The following ADGRG3 variants were observed in gnomAD, a reference collection of about 807,000 sequenced individuals.
ADGRG3 encodes the protein adhesion G protein-coupled receptor G3.
In ADGRG3, 39 loss-of-function variants were observed where a neutral mutation model predicts 54.3. The ratio of observed to expected loss-of-function variants is 0.72; its 90% confidence interval spans 0.56 to 0.94. The LOEUF (loss-of-function observed/expected upper bound fraction) is 0.94, where lower values mean the gene tolerates loss of function less well. Among genes scored for constraint, ADGRG3 ranks in the 40% least tolerant of loss-of-function variants. The pLI, the probability that ADGRG3 is intolerant of heterozygous loss-of-function variation, is 0.00. For missense variants in ADGRG3, 654 were observed against 694.6 expected, an observed-to-expected ratio of 0.94 and a Z score of 0.66; for synonymous variants, 312 against 290.0, an observed-to-expected ratio of 1.08 and a Z score of -0.77.
chr16:57,678,297 G>T lies in ADGRG3; in HGVS notation c.473G>T (p.Gly158Val), dbSNP rs369786884. The change falls in exon 4 of 12, where the codon GGT becomes GTT. Residue 158 changes from glycine to valine, a missense_variant. Coordinates refer to ENST00000333493, the MANE Select transcript of ADGRG3 (RefSeq NM_170776.5). The part of the protein sequence containing the change: ...VRLAVTILDI[G>V]PGTLFKGPRL... ...TTGGCCGTCACCATTCTGGACATTGGTCCAGGGACTCTCTTCAAGGTGAGG... is the reference window on the plus strand; with the variant it reads ...TTGGCCGTCACCATTCTGGACATTGTTCCAGGGACTCTCTTCAAGGTGAGG... 1.2e-5 allele frequency: 19 copies of T among 1,614,090 alleles called. No homozygotes were observed. The highest frequency in any genetic ancestry group is 2.7e-5 in the African/African-American group (2 of 74,946).
chr16:57,673,299 A>G, intron 1 of ADGRG3, 22 bp from the exon 2 acceptor site: 1 of 1,598,938 alleles, frequency 6.3e-7, no homozygotes, highest in African/African-American at 1.3e-5. Flanking sequence ...GCCCATTCAC[A>G]CTCTCTGCAT....
chr16:57,679,392 G>A (rs2048322939), intron 5 of ADGRG3, 81 bp downstream of exon 5: 2 of 1,464,816 alleles, frequency 1.4e-6, no homozygotes, highest in Non-Finnish European at 1.9e-6. Context: ...GCCCTGCATG[G>A]GACACTACAT....
In ADGRG3 at chr16:57,682,544, G is replaced by A. The variant is rs778954970; in HGVS notation, c.882-1388G>A. 7 of 985,260 alleles carry A rather than the reference G, an allele frequency of 7.1e-6. No homozygotes were observed. In the Admixed American group the frequency reaches 1.8e-4, roughly 26 times the overall value. 61.0% of individuals were successfully genotyped at this position (985,260 alleles called of 1,614,324 possible). On this transcript the variant is annotated intron_variant, in intron 8 of 11. Coordinates refer to ENST00000333493, the MANE Select transcript of ADGRG3 (RefSeq NM_170776.5). ...GCCGAGTGTGACTTGCCAGCTGGCC[G>A]CATTGCTGGACCCTGTGAGCGGGGC...
rs146307657 is a variant in ADGRG3, at chr16:57,679,304, C to T, written c.620C>T (p.Pro207Leu). ...PLEIVFSHQRPPPNMTLTCVF... is the reference protein window; with the variant it reads ...PLEIVFSHQRLPPNMTLTCVF... Reference sequence around the variant, plus strand: ...GAGATCGTCTTCTCTCACCAGCGACCGCCCCCTGTGAGTCCCCTGCTCAGG... The same window carrying T: ...GAGATCGTCTTCTCTCACCAGCGACTGCCCCCTGTGAGTCCCCTGCTCAGG... The change falls in exon 5 of 12, where the codon CCG (proline) becomes CTG (leucine). Residue 207 changes from proline to leucine, a missense_variant. Pro to Leu is a moderately conservative substitution (Grantham distance 98). Coordinates refer to ENST00000333493, the MANE Select transcript of ADGRG3 (RefSeq NM_170776.5). 5.3e-5 allele frequency: 85 copies of T among 1,613,792 alleles called. 1 individual carries two copies. The African/African-American group carries it at 8.1e-4, about 15-fold the overall frequency.
chr16:57,678,121 C>T lies in ADGRG3; in HGVS notation c.346-49C>T, dbSNP rs140344952. ...TCCCAGCTGGGGGAGTGGCAGGACTCGTGTTGGGGGGTGGGTACAGATGGG... is the reference window on the plus strand; with the variant it reads ...TCCCAGCTGGGGGAGTGGCAGGACTTGTGTTGGGGGGTGGGTACAGATGGG... On this transcript the variant is annotated intron_variant, in intron 3 of 11. Transcript: ENST00000333493. 8.0e-4 allele frequency: 1,279 copies of T among 1,598,592 alleles called. 8 individuals are homozygous for T. In the African/African-American group the frequency reaches 0.014, roughly 17 times the overall value.
chr16:57,675,431 T>C (rs1445629499), intron 2 of ADGRG3, among the ~76,000 whole-genome samples: 2 of 152,108 alleles, frequency 1.3e-5, no homozygotes, highest in Non-Finnish European at 2.9e-5. Flanking sequence ...TCGAGACCAG[T>C]CTGACCAACA....
chr16:57,685,002 T>C (rs573771369), intron 10 of ADGRG3, among the ~76,000 whole-genome samples: 1 of 152,216 alleles, frequency 6.6e-6, no homozygotes, highest in Non-Finnish European at 1.5e-5. Flanking sequence ...AGTCTCCTCA[T>C]CTGCACCATG....
At chr16:57,674,727 T>A in intron 2 of ADGRG3, 1 of 318,968 alleles carries the variant, frequency 3.1e-6, no homozygotes, top group Non-Finnish European at 6.4e-6. Context: ...CTCACACAAG[T>A]AATCCTAGCA....
intron 2 of ADGRG3, among the ~76,000 whole-genome samples, chr16:57,675,012 AAGC>A (rs1555569015): frequency 4.3e-5 from 5 of 115,450 alleles, no homozygotes; most frequent in East Asian, 2.5e-4. Context: ...AAAAAAAAAA[AAGC>A]AGCAGCAGCA....
At chr16:57,679,889 A>T (rs2048332847) in intron 6 of ADGRG3, 34 bp downstream of exon 6, 1 of 1,549,030 alleles carries the variant, frequency 6.5e-7, no homozygotes, top group Non-Finnish European at 8.9e-7. Context: ...GGGGTAAGAC[A>T]GGAAGGGAGG....
At chr16:57,682,600 C>G in intron 8 of ADGRG3, 1 of 985,476 alleles carries the variant, frequency 1.0e-6, no homozygotes, top group Non-Finnish European at 1.2e-6. Flanking sequence ...ACCACCAGCT[C>G]CCCAGGGTGG....
intron 3 of ADGRG3, 101 bp from the exon 4 acceptor site, chr16:57,678,069 C>T: frequency 3.5e-6 from 5 of 1,443,186 alleles, no homozygotes; most frequent in South Asian, 1.3e-5. Context: ...CCAGGTGCTG[C>T]CCCCTACCCA....
chr16:57,680,442 G>T (rs1465202657), intron 7 of ADGRG3, 63 bp from the exon 8 acceptor site: 1 of 1,565,894 alleles, frequency 6.4e-7, no homozygotes, highest in Non-Finnish European at 8.8e-7. Flanking sequence ...GCTGCCTGGT[G>T]GTCTTTGGGT....
intron 3 of ADGRG3, among the ~76,000 whole-genome samples, chr16:57,677,785 G>A (rs773155216): frequency 1.3e-5 from 2 of 152,088 alleles, no homozygotes; most frequent in African/African-American, 4.8e-5. Context: ...TTATTCCTGA[G>A]TCAGAAGCCA....
Position 57,685,660 on chromosome 16 carries a change from G to A in ADGRG3, c.1274G>A (p.Gly425Glu). 2 of 1,614,086 alleles carry A rather than the reference G, an allele frequency of 1.2e-6. No homozygotes were observed. The highest frequency in any genetic ancestry group is 1.7e-6 in the Non-Finnish European group (2 of 1,179,958). Residue 425 changes from glycine (G) to glutamate (E), a missense_variant, in exon 11 of 12, where the codon GGG becomes GAG. Transcript: ENST00000333493. The part of the protein sequence containing the change: ...TSLELCWFRE[G>E]TTMYALYITV... ...TCCTCCAGATGCTGGTTCCGTGAAG[G>A]GACAACCATGTACGCCCTCTATATC...
At chr16:57,667,055 T>A (rs568708730), upstream of ADGRG3, among the ~76,000 whole-genome samples, 140 of 152,252 alleles carry the variant, frequency 9.2e-4, no homozygotes, top group African/African-American at 3.3e-3. Flanking sequence ...GCAGAGGAAG[T>A]TTCTGGGGCT....
In ADGRG3 at chr16:57,685,935, C is replaced by T. The variant is rs769904624; in HGVS notation, c.1540+9C>T. The T allele has an allele frequency of 5.0e-6, 8 of 1,612,438 alleles. No homozygotes were observed. The highest frequency in any genetic ancestry group is 6.8e-6 in the Non-Finnish European group (8 of 1,178,956). On this transcript the variant is annotated intron_variant, in intron 11 of 11. Coordinates refer to ENST00000333493, the MANE Select transcript of ADGRG3 (RefSeq NM_170776.5). ...TTTCAACTCCTTGCAAGGTGAGGCC[C>T]CTGCACCAGGGAGGTGATGGGCTGT...
At position 57,679,847 on chromosome 16, in the gene ADGRG3, T is replaced by C. The variant is rs770529187; in HGVS notation, c.659T>C (p.Val220Ala). 3.7e-6 allele frequency: 6 copies of C among 1,612,050 alleles called. No homozygotes were observed. Among genetic ancestry groups the C allele is most frequent in the Non-Finnish European group, 5.1e-6 (6 of 1,178,486 alleles). The part of the protein sequence containing the change: ...NMTLTCVFWD[V>A]TKGTTGDWSS... ...ACCCTCACCTGTGTATTCTGGGATG[T>C]GACTAAAGGTAGGGCCCGGAGGACC... Residue 220 changes from valine (V) to alanine (A), a missense_variant, in exon 6 of 12, where the codon GTG (valine) becomes GCG (alanine). Transcript: ENST00000333493.
intron 8 of ADGRG3, 133 bp downstream of exon 8, chr16:57,680,750 A>G: frequency 3.1e-6 from 2 of 651,038 alleles, no homozygotes; most frequent in South Asian, 1.7e-5. Flanking sequence ...TCATCCCAAA[A>G]TGGGGTTGGG....
Sources: allele counts gnomAD v4.1 joint callset (sites outside exome capture counted in the v4.1 genomes callset), GRCh38; gene constraint gnomAD v4.1.1; transcripts MANE v1.5; gene names NCBI Gene and HGNC (gene_info 2026-07-23, HGNC 2026-07-21).